NEK6: variants seen among roughly 807,000 people sequenced by gnomAD.
NEK6 encodes the protein NIMA related kinase 6, also known as serine/threonine-protein kinase Nek6.
Under a neutral mutation model 43.5 loss-of-function variants are expected in NEK6, and 27 were observed. The ratio of observed to expected loss-of-function variants is 0.62; its 90% confidence interval spans 0.46 to 0.86. NEK6 has a LOEUF of 0.86. Among genes scored for constraint, NEK6 ranks in the 40% least tolerant of loss-of-function variants. The probability of loss-of-function intolerance (pLI) is 0.00; values close to 1 mark genes in which losing one functional copy is unlikely to be tolerated. For synonymous variants in NEK6, 167 were observed against 164.1 expected, an observed-to-expected ratio of 1.02 and a Z score of -0.14; for missense variants, 318 against 414.4, an observed-to-expected ratio of 0.77 and a Z score of 2.02.
At chr9:124,257,918 G>GGCGGGCGC (rs945473323), upstream of NEK6, 56 of 969,112 alleles carry the variant, frequency 5.8e-5, no homozygotes, top group East Asian at 3.5e-4. Flanking sequence ...GGCGGGGAGG[G>GGCGGGCGC]GCGGGCGCGC....
chr9:124,291,767 A>G lies in NEK6; in HGVS notation c.-29-10169A>G, dbSNP rs1345869042. 1.3e-5 allele frequency: 13 copies of G among 969,466 alleles called. No individual in the cohort carries two copies. In the South Asian group the frequency reaches 5.7e-4, roughly 43 times the overall value. The allele number at this position is 969,466 out of a possible 1,614,324, so 60.1% of individuals were successfully genotyped here. A position where few individuals can be genotyped will look rare whatever the true frequency, so the allele number is the denominator to read the frequency against. On this transcript the variant is annotated intron_variant, in intron 1 of 9. Transcript: ENST00000320246. ...CCCTCCCTGAGCCTACACTGGTCTA[A>G]TCGGGTGGTGCTGCCATCAGATTCC...
chr9:124,295,361 G>A (rs1204049345), intron 1 of NEK6, among the ~76,000 whole-genome samples: 2 of 152,174 alleles, frequency 1.3e-5, no homozygotes, highest in East Asian at 1.9e-4. Flanking sequence ...GCCTGAGATC[G>A]GGCTGCTTCC....
intron 4 of NEK6, 28 bp from the exon 5 acceptor site, chr9:124,321,431 C>G: frequency 2.0e-5 from 29 of 1,436,492 alleles, no homozygotes; most frequent in Non-Finnish European, 2.6e-5. Flanking sequence ...CACTTGGTGC[C>G]CCCTTCCCTC....
At chr9:124,281,429 G>T (rs1831899730) in intron 1 of NEK6, among the ~76,000 whole-genome samples, 1 of 149,468 alleles carries the variant, frequency 6.7e-6, no homozygotes, top group African/African-American at 2.5e-5. Context: ...GACCCACGGT[G>T]AAATAAGAAA....
At chr9:124,337,811 C>A (rs977734376) in intron 7 of NEK6, among the ~76,000 whole-genome samples, 1 of 152,216 alleles carries the variant, frequency 6.6e-6, no homozygotes, top group African/African-American at 2.4e-5. Flanking sequence ...ATGGTAGAAA[C>A]CAGCCGATGG....
chr9:124,276,117 G>C (rs1438660203), intron 1 of NEK6, among the ~76,000 whole-genome samples: 2 of 152,106 alleles, frequency 1.3e-5, no homozygotes, highest in Non-Finnish European at 2.9e-5. Context: ...CTGTCCTGGG[G>C]AGAGTGGGGA....
At chr9:124,305,112 T>C (rs181833959) in intron 2 of NEK6, among the ~76,000 whole-genome samples, 260 of 152,288 alleles carry the variant, frequency 1.7e-3, no homozygotes, top group Non-Finnish European at 2.6e-3. Context: ...TCAGTTATAT[T>C]TGGGTGCTCT....
In NEK6 at chr9:124,344,135, C is replaced by A. The variant is rs557523046; in HGVS notation, c.718-3574C>A. On this transcript the variant is annotated intron_variant, in intron 8 of 9. Coordinates refer to ENST00000320246, the MANE Select transcript of NEK6 (RefSeq NM_014397.6). ...CCTCTGGTGTGCGTCAGCCTGGCGTCTTCCCCTCTTCTGTGCCCTTCTCTC... is the reference window on the plus strand; with the variant it reads ...CCTCTGGTGTGCGTCAGCCTGGCGTATTCCCCTCTTCTGTGCCCTTCTCTC... Among the ~76,000 whole-genome samples the A allele has an allele frequency of 1.1e-4, 16 of 152,318 alleles. No individual in the cohort carries two copies. The East Asian group carries it at 3.1e-3, about 29-fold the overall frequency.
intron 2 of NEK6, among the ~76,000 whole-genome samples, chr9:124,310,826 A>G (rs980582685): frequency 1.3e-5 from 2 of 152,024 alleles, no homozygotes; most frequent in African/African-American, 4.8e-5. Flanking sequence ...ACCTTAAGTG[A>G]TCGCCCGCCT....
chr9:124,294,005 C>G (rs1217945895), intron 1 of NEK6, among the ~76,000 whole-genome samples: 1 of 152,178 alleles, frequency 6.6e-6, no homozygotes, highest in Non-Finnish European at 1.5e-5. Context: ...TGGGCTGTTC[C>G]TTTTTGTGGA....
At chr9:124,323,663 G>A (rs1352454807) in intron 5 of NEK6, among the ~76,000 whole-genome samples, 2 of 152,134 alleles carry the variant, frequency 1.3e-5, no homozygotes, top group Non-Finnish European at 2.9e-5. Context: ...GGGGGGCTGG[G>A]GCTGGGCAAA....
chr9:124,342,741 C>T (rs1829707696), intron 8 of NEK6, among the ~76,000 whole-genome samples: 1 of 152,260 alleles, frequency 6.6e-6, no homozygotes, highest in Non-Finnish European at 1.5e-5. Context: ...GGTCAGATGG[C>T]TTTTCGTTTC....
chr9:124,289,338 G>A (rs544378246), intron 1 of NEK6, among the ~76,000 whole-genome samples: 17 of 152,132 alleles, frequency 1.1e-4, no homozygotes, highest in Admixed American at 3.9e-4. Flanking sequence ...CTCTGCCTCT[G>A]CAGCTAGGAC....
At chr9:124,347,125 C>A (rs1044307992) in intron 8 of NEK6, among the ~76,000 whole-genome samples, 3 of 152,214 alleles carry the variant, frequency 2.0e-5, no homozygotes, top group Non-Finnish European at 2.9e-5. Flanking sequence ...CAGGAGGCTG[C>A]CTCCCTCCCT....
chr9:124,276,139 C>T (rs1184214495), intron 1 of NEK6, among the ~76,000 whole-genome samples: 1 of 152,076 alleles, frequency 6.6e-6, no homozygotes, highest in African/African-American at 2.4e-5. Flanking sequence ...AAGTGGGGAG[C>T]AGCCTGGAAC....
rs555071359 is a variant in NEK6, at chr9:124,275,103, T to G, written c.-30+17018T>G. On this transcript the variant is annotated intron_variant, in intron 1 of 9. Transcript: ENST00000320246. The surrounding 1 kb of genome is among the most constrained non-coding windows in gnomAD (Gnocchi z 4.4). ...TCCATCCCAGTAAACTCCAGGAGGG[T>G]GAGACTGTGCACAGCACACAGTGGG... Among the ~76,000 whole-genome samples, 1 of 152,060 alleles carries G rather than the reference T, an allele frequency of 6.6e-6. No individual in the cohort carries two copies. The highest frequency in any genetic ancestry group is 2.1e-4 in the South Asian group (1 of 4,810).
At chr9:124,316,319 T>A (rs1378965193) in intron 4 of NEK6, among the ~76,000 whole-genome samples, 1 of 152,216 alleles carries the variant, frequency 6.6e-6, no homozygotes, top group East Asian at 1.9e-4. Context: ...TCTGTGCAAT[T>A]TCTGATCACC....
At chr9:124,332,270 T>C (rs1588528232) in intron 7 of NEK6, among the ~76,000 whole-genome samples, 1 of 152,260 alleles carries the variant, frequency 6.6e-6, no homozygotes, top group South Asian at 2.1e-4. Flanking sequence ...TACAGCCTGG[T>C]AGGAGAATCC....
chr9:124,278,039 G>T (rs976017378), intron 1 of NEK6, among the ~76,000 whole-genome samples: 1 of 152,234 alleles, frequency 6.6e-6, no homozygotes, highest in African/African-American at 2.4e-5. Context: ...AGCAGACTGC[G>T]TATGTGACGT....
Sources: allele counts gnomAD v4.1 joint callset (sites outside exome capture counted in the v4.1 genomes callset), GRCh38; gene constraint gnomAD v4.1.1; non-coding constraint Gnocchi (gnomAD v3.1); transcripts MANE v1.5; gene names NCBI Gene and HGNC (gene_info 2026-07-23, HGNC 2026-07-21).